HS2ST1: variants seen among roughly 807,000 people sequenced by gnomAD.
The protein encoded by HS2ST1 is heparan sulfate 2-O-sulfotransferase 1, also known as 2-O-sulfotransferase.
In HS2ST1, 18 loss-of-function variants were observed where a neutral mutation model predicts 42.9. That is an observed-to-expected ratio of 0.42 (90% confidence interval 0.29 to 0.62). The LOEUF is 0.62. Ranked by LOEUF, HS2ST1 falls within the 20% of genes least tolerant of loss-of-function variation. HS2ST1 has a pLI of 0.21. For missense variants in HS2ST1, 334 were observed against 433.8 expected (o/e 0.77, Z 2.04); for synonymous variants, 146 against 152.9 (o/e 0.95, Z 0.33).
intron 2 of HS2ST1, among the ~76,000 whole-genome samples, chr1:87,083,176 ATAT>A (rs1333210989): frequency 1.3e-4 from 20 of 152,104 alleles, no homozygotes; most frequent in Admixed American, 1.2e-3. Context: ...TCATTCATTG[ATAT>A]TATTGAGTGT....
intron 1 of HS2ST1, among the ~76,000 whole-genome samples, chr1:87,038,185 C>G (rs897472422): frequency 1.3e-5 from 2 of 152,012 alleles, no homozygotes; most frequent in African/African-American, 4.8e-5. Context: ...TGACAATATG[C>G]TGTGTTCTTA....
intron 1 of HS2ST1, among the ~76,000 whole-genome samples, chr1:86,946,093 C>T (rs764431239): frequency 1.3e-5 from 2 of 152,108 alleles, no homozygotes; most frequent in Non-Finnish European, 2.9e-5. Context: ...CCTATTTTGG[C>T]ACCTTAAATT....
intron 1 of HS2ST1, among the ~76,000 whole-genome samples, chr1:87,019,456 T>C (rs11584931): frequency 0.088 from 13,352 of 152,278 alleles, 687 homozygotes; most frequent in Non-Finnish European, 0.12. Context: ...GCCCCCATCA[T>C]AAACTTGAAT....
At chr1:87,005,537 T>C (rs934418566) in intron 1 of HS2ST1, among the ~76,000 whole-genome samples, 6 of 152,176 alleles carry the variant, frequency 3.9e-5, no homozygotes, top group African/African-American at 1.4e-4. Flanking sequence ...GGCAAAATAA[T>C]AACACTGTAA....
chr1:87,061,157 A>G (rs530581615), intron 1 of HS2ST1, among the ~76,000 whole-genome samples: 102 of 152,180 alleles, frequency 6.7e-4, no homozygotes, highest in Non-Finnish European at 1.3e-3. Context: ...ATAAATGACT[A>G]ATTTATAAAC....
chr1:87,009,489 A>G (rs1649535872), intron 1 of HS2ST1, among the ~76,000 whole-genome samples: 1 of 152,204 alleles, frequency 6.6e-6, no homozygotes, highest in Non-Finnish European at 1.5e-5. Context: ...CCATAGGTAT[A>G]TACCATTTGA....
intron 1 of HS2ST1, among the ~76,000 whole-genome samples, chr1:86,976,999 A>G (rs920877156): frequency 6.6e-6 from 1 of 151,786 alleles, no homozygotes; most frequent in Non-Finnish European, 1.5e-5. Context: ...TACATGAGCT[A>G]TGTTCACACC....
intron 1 of HS2ST1, among the ~76,000 whole-genome samples, chr1:86,943,917 T>C (rs2102178437): frequency 6.6e-6 from 1 of 152,064 alleles, no homozygotes; most frequent in South Asian, 2.1e-4. Flanking sequence ...TCTCAGCTAC[T>C]TGGGAGGCTG....
At chr1:86,968,867 G>A (rs540351951) in intron 1 of HS2ST1, among the ~76,000 whole-genome samples, 26 of 152,170 alleles carry the variant, frequency 1.7e-4, no homozygotes, top group Non-Finnish European at 3.2e-4. Context: ...AATGAATGTT[G>A]TAAACTAATT....
rs141028509 is a variant in HS2ST1 at position 87,104,318 on chromosome 1, A to C, written c.845-152A>C. 261 of 614,662 alleles carry C rather than the reference A, an allele frequency of 4.2e-4. 2 individuals carry two copies. The East Asian group carries it at 7.2e-3, about 17-fold the overall frequency. 38.1% of individuals were successfully genotyped at this position (614,662 alleles called of 1,614,324 possible). A position where few individuals can be genotyped will look rare whatever the true frequency, so the allele number is the denominator to read the frequency against. ...ACTGAATCATGGCTCTAGTTTGATC[A>C]AGGCTCCGTTTTTACCTGAATTATA... On this transcript the variant is annotated intron_variant, in intron 6 of 6. Coordinates refer to ENST00000370550, the MANE Select transcript of HS2ST1 (RefSeq NM_012262.4).
At chr1:86,985,715 C>G (rs1648765439) in intron 1 of HS2ST1, among the ~76,000 whole-genome samples, 1 of 151,880 alleles carries the variant, frequency 6.6e-6, no homozygotes, top group African/African-American at 2.4e-5. Flanking sequence ...GGCAATCTTA[C>G]TCTCCTTAGT....
chr1:86,969,864 G>A (rs949616010), intron 1 of HS2ST1, among the ~76,000 whole-genome samples: 1 of 151,986 alleles, frequency 6.6e-6, no homozygotes, highest in Admixed American at 6.6e-5. Flanking sequence ...GGTGGCTCAC[G>A]CCTGTAATCC....
Position 87,046,571 on chromosome 1 carries a change from C to G in HS2ST1, c.125-26363C>G. ...TCTGTTGATAATGGACAAACTATGG[C>G]GGAAAAGGAAACCTCCAGTTCTGTT... On this transcript the variant is annotated intron_variant, in intron 1 of 6. Transcript: ENST00000370550. 2.5e-6 allele frequency: 4 copies of G among 1,576,914 alleles called. No homozygotes were observed. The East Asian group carries it at 6.8e-5, about 27-fold the overall frequency.
chr1:87,098,984 G>T (rs1652135665), intron 5 of HS2ST1, among the ~76,000 whole-genome samples: 1 of 152,120 alleles, frequency 6.6e-6, no homozygotes, highest in African/African-American at 2.4e-5. Flanking sequence ...CACCATGTTG[G>T]CCAGGCTGGT....
At chr1:87,081,879 C>T (rs951826268) in intron 2 of HS2ST1, among the ~76,000 whole-genome samples, 2 of 148,948 alleles carry the variant, frequency 1.3e-5, no homozygotes, top group African/African-American at 5.0e-5. Context: ...GAGGCTGAGG[C>T]AGGAGAATCA....
At chr1:87,000,829 G>A (rs1161341758) in intron 1 of HS2ST1, among the ~76,000 whole-genome samples, 2 of 152,116 alleles carry the variant, frequency 1.3e-5, no homozygotes, top group Non-Finnish European at 2.9e-5. Flanking sequence ...CCTGTTTTCT[G>A]GGTTATAACT....
chr1:86,976,388 G>C lies in HS2ST1; in HGVS notation c.124+61228G>C, dbSNP rs972579159. 3.9e-5 allele frequency among the ~76,000 whole-genome samples: 6 copies of C among 152,116 alleles called. No individual in the cohort carries two copies. The South Asian group carries it at 1.2e-3, about 32-fold the overall frequency. Reference sequence around the variant, plus strand: ...TTCCCAGGAGTAGGGGGGATGAACTGTTCTGTTGGAAAGCTTATATTAGGA... The same window carrying C: ...TTCCCAGGAGTAGGGGGGATGAACTCTTCTGTTGGAAAGCTTATATTAGGA... On this transcript the variant is annotated intron_variant, in intron 1 of 6. Coordinates refer to ENST00000370550, the MANE Select transcript of HS2ST1 (RefSeq NM_012262.4).
At chr1:87,058,110 G>A (rs2100620213) in intron 1 of HS2ST1, among the ~76,000 whole-genome samples, 1 of 151,702 alleles carries the variant, frequency 6.6e-6, no homozygotes, top group African/African-American at 2.4e-5. Flanking sequence ...ATAGCTTTAT[G>A]GAACTTATCT....
At chr1:86,959,370 A>T (rs1647762080) in intron 1 of HS2ST1, among the ~76,000 whole-genome samples, 1 of 152,208 alleles carries the variant, frequency 6.6e-6, no homozygotes, top group Admixed American at 6.5e-5. Context: ...ATAAGTGATT[A>T]TAGCAGGTTG....
Sources: allele counts gnomAD v4.1 joint callset (sites outside exome capture counted in the v4.1 genomes callset), GRCh38; gene constraint gnomAD v4.1.1; transcripts MANE v1.5; gene names NCBI Gene and HGNC (gene_info 2026-07-23, HGNC 2026-07-21).